The following SCFD2 variants were observed in gnomAD, a reference collection of about 807,000 sequenced individuals.
The protein encoded by SCFD2 is sec1 family domain containing 2.
SCFD2 carries 54 observed loss-of-function variants against 58.9 expected under a neutral mutation model. That is an observed-to-expected ratio of 0.92 (90% CI 0.74 to 1.15). The LOEUF is 1.15. Among genes scored for constraint, SCFD2 ranks in the 50% most tolerant of loss-of-function variants. The pLI, the probability that SCFD2 is intolerant of heterozygous loss-of-function variation, is 0.00. For synonymous variants in SCFD2, 321 were observed against 335.9 expected, an observed-to-expected ratio of 0.96 and a Z score of 0.49; for missense variants, 805 against 836.6, an observed-to-expected ratio of 0.96 and a Z score of 0.47.
chr4:53,294,890 T>A (rs765289094), intron 3 of SCFD2, among the ~76,000 whole-genome samples: 1 of 152,212 alleles, frequency 6.6e-6, no homozygotes, highest in Non-Finnish European at 1.5e-5. Flanking sequence ...ATTTATTAAA[T>A]AGGGAATTCT....
intron 4 of SCFD2, among the ~76,000 whole-genome samples, chr4:53,183,323 TA>T (rs1286392512): frequency 6.6e-6 from 1 of 152,096 alleles, no homozygotes; most frequent in Non-Finnish European, 1.5e-5. Context: ...TATGCAGCCA[TA>T]AAAAATGATG....
intron 3 of SCFD2, among the ~76,000 whole-genome samples, chr4:53,309,283 T>A (rs901460247): frequency 3.3e-5 from 5 of 152,098 alleles, no homozygotes; most frequent in Non-Finnish European, 5.9e-5. Flanking sequence ...AAGTAAAAAG[T>A]AGGAAAGGCT....
At chr4:53,136,437 C>T (rs1725945189) in intron 5 of SCFD2, among the ~76,000 whole-genome samples, 2 of 152,094 alleles carry the variant, frequency 1.3e-5, no homozygotes, top group African/African-American at 2.4e-5. Flanking sequence ...TTTTACCTAC[C>T]ATAAAAACCC....
chr4:53,281,430 G>C (rs898497169), intron 3 of SCFD2, among the ~76,000 whole-genome samples: 1 of 151,996 alleles, frequency 6.6e-6, no homozygotes, highest in African/African-American at 2.4e-5. Flanking sequence ...TATAGACAGG[G>C]GTGGCAACTT....
At chr4:53,180,912 G>A (rs1727529344) in intron 4 of SCFD2, among the ~76,000 whole-genome samples, 1 of 152,154 alleles carries the variant, frequency 6.6e-6, no homozygotes, top group Non-Finnish European at 1.5e-5. Context: ...AGAAGAAATG[G>A]ATAAATTCCT....
intron 5 of SCFD2, among the ~76,000 whole-genome samples, chr4:53,010,697 A>G (rs1235090434): frequency 2.6e-5 from 4 of 152,218 alleles, no homozygotes; most frequent in Admixed American, 2.6e-4. Flanking sequence ...TTGGAAGAGA[A>G]ACATCTTAGG....
chr4:52,983,914 C>G (rs2109571306), intron 5 of SCFD2, among the ~76,000 whole-genome samples: 1 of 152,350 alleles, frequency 6.6e-6, no homozygotes, highest in Non-Finnish European at 1.5e-5. Context: ...CTCCATCAAT[C>G]TCTTCTATCC....
chr4:52,959,183 T>C (rs919646542), intron 5 of SCFD2, among the ~76,000 whole-genome samples: 3 of 152,080 alleles, frequency 2.0e-5, no homozygotes, highest in African/African-American at 7.2e-5. Context: ...CTGGACAGGG[T>C]GTCAAGAGGC....
chr4:53,318,516 T>C (rs1383981), intron 2 of SCFD2, among the ~76,000 whole-genome samples: 86,508 of 151,918 alleles, frequency 0.57, 24,969 homozygotes, highest in Middle Eastern at 0.65. Context: ...AAATCTATTT[T>C]TAGTTTTTAA....
intron 2 of SCFD2, among the ~76,000 whole-genome samples, chr4:53,330,577 C>A (rs1455006802): frequency 1.1e-4 from 16 of 152,150 alleles, no homozygotes; most frequent in African/African-American, 2.2e-4. Flanking sequence ...GCCTGCTTTA[C>A]AAGAGCTCCT....
intron 5 of SCFD2, among the ~76,000 whole-genome samples, chr4:53,101,276 G>T (rs959667837): frequency 6.6e-6 from 1 of 152,140 alleles, no homozygotes; most frequent in African/African-American, 2.4e-5. Flanking sequence ...CTGCTAAGGA[G>T]ATTGGGGCTT....
intron 5 of SCFD2, among the ~76,000 whole-genome samples, chr4:53,064,325 A>T (rs1186700278): frequency 6.6e-6 from 1 of 152,022 alleles, no homozygotes. Context: ...CTGTATGTCC[A>T]CCAACACATA....
chr4:52,998,997 AT>A (rs1212838532), intron 5 of SCFD2, among the ~76,000 whole-genome samples: 1 of 152,170 alleles, frequency 6.6e-6, no homozygotes, highest in Non-Finnish European at 1.5e-5. Context: ...AGCCAAATGT[AT>A]GCTTCCTACT....
At chr4:53,151,761 G>A (rs552496528) in intron 4 of SCFD2, among the ~76,000 whole-genome samples, 13 of 152,302 alleles carry the variant, frequency 8.5e-5, no homozygotes, top group African/African-American at 2.6e-4. Flanking sequence ...GGTACTTTAC[G>A]AGGAAAAGAG....
intron 2 of SCFD2, among the ~76,000 whole-genome samples, chr4:53,331,628 C>T (rs1423739239): frequency 6.6e-6 from 1 of 151,906 alleles, no homozygotes; most frequent in Admixed American, 6.6e-5. Flanking sequence ...GCACTAAATG[C>T]CCACAGGAGA....
chr4:53,111,216 T>C (rs968856474), intron 5 of SCFD2, among the ~76,000 whole-genome samples: 3 of 151,946 alleles, frequency 2.0e-5, no homozygotes, highest in Non-Finnish European at 2.9e-5. Flanking sequence ...GGGATTGCAA[T>C]AGGAGAAATA....
chr4:53,167,214 G>A (rs1161014259), intron 4 of SCFD2, among the ~76,000 whole-genome samples: 2 of 152,142 alleles, frequency 1.3e-5, no homozygotes, highest in Non-Finnish European at 2.9e-5. Flanking sequence ...AGACACAGAT[G>A]CTCCCTACTG....
chr4:52,970,648 C>T (rs1028538789), intron 5 of SCFD2, among the ~76,000 whole-genome samples: 2 of 152,236 alleles, frequency 1.3e-5, no homozygotes, highest in African/African-American at 2.4e-5. Context: ...ATGTCCCTGT[C>T]TGACAGCTTT....
intron 5 of SCFD2, among the ~76,000 whole-genome samples, chr4:53,091,651 C>T (rs899889672): frequency 2.0e-5 from 3 of 152,178 alleles, no homozygotes; most frequent in African/African-American, 7.2e-5. Context: ...ATTCAGAACA[C>T]CTAAAGTCTC....
Sources: gnomAD v4.1 joint callset for allele counts (sites outside exome capture counted in the v4.1 genomes callset) on GRCh38, gnomAD v4.1.1 for gene constraint, MANE v1.5 for transcripts, NCBI Gene and HGNC (gene_info 2026-07-23, HGNC 2026-07-21) for gene names.